WDR35: variants seen among roughly 807,000 people sequenced by gnomAD.
The protein encoded by WDR35 is WD repeat-containing protein 35.
A neutral mutation model predicts 158.3 loss-of-function variants in WDR35; 118 were observed. That is an observed-to-expected ratio of 0.75 (90% CI 0.64 to 0.87). The LOEUF (loss-of-function observed/expected upper bound fraction) is 0.87, where lower values mean the gene tolerates loss of function less well. WDR35 is among the 40% of genes least tolerant of loss of function. The pLI is 0.00. For synonymous variants in WDR35, 448 were observed against 476.1 expected, an observed-to-expected ratio of 0.94 and a Z score of 0.77; for missense variants, 1,263 against 1,405.8, an observed-to-expected ratio of 0.90 and a Z score of 1.62.
At position 19,934,019 on chromosome 2, in the gene WDR35, G is replaced by A. The variant is rs1420453465; in HGVS notation, c.2548-508C>T. 9.8e-5 allele frequency among the ~76,000 whole-genome samples: 13 copies of A among 132,662 alleles called. No individual in the cohort carries two copies. Among genetic ancestry groups the A allele is most frequent in the African/African-American group, 4.0e-4 (13 of 32,744 alleles). 87.0% of individuals were successfully genotyped at this position (132,662 alleles called of 152,430 possible). On this transcript the variant is annotated intron_variant, in intron 21 of 26. Coordinates refer to ENST00000281405, the MANE Select transcript of WDR35 (RefSeq NM_020779.4). This position sits in a 1 kb window ranked among gnomAD's most constrained non-coding sequence, Gnocchi z 4.6. ...CTCTCTTGGAAAGTGGTGGCAGCGA[G>A]GAAGAACCACCACCACCACCACCAC...
In WDR35 at chr2:19,931,254, A is replaced by AT. The variant is rs1670515991; in HGVS notation, c.2964+14_2964+15insA. The AT allele has an allele frequency of 6.2e-7, 1 of 1,610,778 alleles. No individual in the cohort carries two copies. Among genetic ancestry groups the AT allele is most frequent in the African/African-American group, 1.3e-5 (1 of 74,670 alleles). On this transcript the variant is annotated intron_variant, in intron 24 of 26. Transcript: ENST00000281405. ...CACTTCCAATGATGTAATGTTATTT[A>AT]ACGTGCTACTTTACCTCTGAACTTT...
At chr2:19,953,699 A>T in intron 12 of WDR35, 135 bp downstream of exon 12, 1 of 1,154,948 alleles carries the variant, frequency 8.7e-7, no homozygotes, top group East Asian at 2.5e-5. Flanking sequence ...AATTTTAAAG[A>T]TAATCAAATT....
At chr2:19,975,453 G>A (rs1020666804) in intron 6 of WDR35, 77 bp downstream of exon 6, 38 of 1,446,690 alleles carry the variant, frequency 2.6e-5, no homozygotes, top group African/African-American at 1.4e-5. Context: ...AAAAATAAAT[G>A]TATATACAAA....
At chr2:19,977,032 A>C (rs895373586) in intron 5 of WDR35, among the ~76,000 whole-genome samples, 1 of 151,808 alleles carries the variant, frequency 6.6e-6, no homozygotes, top group Non-Finnish European at 1.5e-5. Context: ...AGGTCTTGCT[A>C]TGTTGTCCAG....
intron 8 of WDR35, among the ~76,000 whole-genome samples, chr2:19,971,689 G>C (rs1672038840): frequency 6.6e-6 from 1 of 152,136 alleles, no homozygotes; most frequent in African/African-American, 2.4e-5. Context: ...TATCTGTCTT[G>C]CTACCTGTAT....
chr2:19,978,609 G>A (rs1375685713), intron 5 of WDR35, 142 bp downstream of exon 5: 40 of 1,291,444 alleles, frequency 3.1e-5, no homozygotes, highest in East Asian at 1.7e-4. Context: ...CTTGAATGTC[G>A]TCAAATTGTA....
In WDR35 at chr2:19,941,760, T is replaced by C. The variant is rs1351761672; in HGVS notation, c.1925A>G (p.Lys642Arg). ...GAAATGTAACTTTTTAGGAATTACC[T>C]TTAATATCTCATCCAAAAGAACAGA... is the stretch of plus-strand genomic sequence containing the variant. ...IKSVLLDEIL[K>R]DPEHPNKDYL... is the part of the protein sequence containing the mutation. The change falls in exon 17 of 27, where the codon AAG (lysine) becomes AGG (arginine). Residue 642 changes from lysine to arginine, a missense_variant and splice_region_variant. Physicochemically the swap from Lys to Arg is conservative, Grantham distance 26. Transcript: ENST00000281405. 1 of 1,547,548 alleles carries C rather than the reference T, an allele frequency of 6.5e-7. No homozygotes were observed. The highest frequency in any genetic ancestry group is 8.8e-7 in the Non-Finnish European group (1 of 1,131,788).
At chr2:19,986,754 T>C (rs1672579035) in intron 2 of WDR35, among the ~76,000 whole-genome samples, 1 of 152,068 alleles carries the variant, frequency 6.6e-6, no homozygotes, top group Admixed American at 6.6e-5. Flanking sequence ...AAACCTGATG[T>C]AAAAAGATGG....
intron 24 of WDR35, 114 bp from the exon 25 acceptor site, chr2:19,930,666 A>G (rs1322451660): frequency 2.0e-6 from 3 of 1,491,676 alleles, no homozygotes; most frequent in African/African-American, 1.4e-5. Flanking sequence ...TCATTACAAA[A>G]CTATGATTAC....
chr2:19,935,585 A>G lies in WDR35; in HGVS notation c.2433T>C (p.Tyr811=), dbSNP rs146138833. The change falls in exon 21 of 27, where the codon TAT becomes TAC. Residue 811 remains tyrosine, a synonymous_variant. Coordinates refer to ENST00000281405, the MANE Select transcript of WDR35 (RefSeq NM_020779.4). ...DRQKWLNAVQ[Y]YVQGRNQERL... The stretch of plus-strand genomic sequence containing the variant: ...GTTCCTGGTTCCGTCCTTGTACATA[A>G]TATTGTACAGCATTCAACCTACAGA... The G allele has an allele frequency of 1.9e-6, 3 of 1,612,580 alleles. No individual in the cohort carries two copies. The highest frequency in any genetic ancestry group is 2.5e-6 in the Non-Finnish European group (3 of 1,179,612).
rs541612733 is a variant in WDR35, at chr2:19,913,665, T to C, written c.3406A>G (p.Ile1136Val). 1.9e-5 allele frequency: 30 copies of C among 1,614,112 alleles called. No individual in the cohort carries two copies. Among genetic ancestry groups the C allele is most frequent in the African/African-American group, 8.0e-5 (6 of 75,046 alleles). ...CACATCCAGAATTGATACTCAGTGA[T>C]TGGGCTTCCTGTGGCAACGCATGTT... ...LPTCVATGSP[I>V]TEYQFWMCSV... is the part of the protein sequence containing the mutation. The change falls in exon 27 of 27, where the codon ATC becomes GTC. Residue 1136 changes from isoleucine (I) to valine (V), a missense_variant. Physicochemically the swap from Ile to Val is conservative, Grantham distance 29 (BLOSUM62 3). Coordinates refer to ENST00000281405, the MANE Select transcript of WDR35 (RefSeq NM_020779.4).
At chr2:19,974,783 G>T in intron 6 of WDR35, 150 bp from the exon 7 acceptor site, 1 of 628,258 alleles carries the variant, frequency 1.6e-6, no homozygotes, top group Non-Finnish European at 2.5e-6. Flanking sequence ...CTGGTATACA[G>T]GCCATGGACA....
At position 19,953,714 on chromosome 2, in the gene WDR35, G is replaced by GA. The variant is rs765288897; in HGVS notation, c.1400+119dup. 5.3e-6 allele frequency: 7 copies of GA among 1,319,774 alleles called. No homozygotes were observed. In the African/African-American group the frequency reaches 8.8e-5, roughly 17 times the overall value. 81.8% of individuals were successfully genotyped at this position (1,319,774 alleles called of 1,614,324 possible). Reference sequence around the variant, plus strand: ...AATTTTAAAGATAATCAAATTAATTGAAAAAACATTTCTACTAATCAAGAC... The same window carrying GA: ...AATTTTAAAGATAATCAAATTAATTGAAAAAAACATTTCTACTAATCAAGAC... On this transcript the variant is annotated intron_variant, in intron 12 of 26. Transcript: ENST00000281405.
chr2:19,933,246 T>C (rs1028594037), intron 22 of WDR35, among the ~76,000 whole-genome samples, 155 bp downstream of exon 22: 10 of 152,344 alleles, frequency 6.6e-5, no homozygotes, highest in Non-Finnish European at 1.3e-4. Context: ...ATTAAGAGAA[T>C]ACCCGCCTGG....
chr2:19,969,370 C>T (rs977880082), intron 9 of WDR35, 110 bp downstream of exon 9: 1 of 1,187,496 alleles, frequency 8.4e-7, no homozygotes, highest in East Asian at 2.6e-5. Flanking sequence ...CACAAAAAGG[C>T]TTCCTTTCTG....
intron 11 of WDR35, among the ~76,000 whole-genome samples, chr2:19,959,043 A>G (rs1671545289): frequency 1.3e-5 from 2 of 152,134 alleles, no homozygotes; most frequent in African/African-American, 4.8e-5. Flanking sequence ...AACTTTAAAA[A>G]AGAAATTTTA....
intron 3 of WDR35, among the ~76,000 whole-genome samples, 156 bp from the exon 4 acceptor site, chr2:19,980,939 T>C (rs1024248285): frequency 1.3e-5 from 2 of 152,260 alleles, no homozygotes; most frequent in African/African-American, 4.8e-5. Flanking sequence ...AAGATGCAGT[T>C]ATTGATATCA....
intron 12 of WDR35, among the ~76,000 whole-genome samples, 157 bp downstream of exon 12, chr2:19,953,677 T>C (rs1231613246): frequency 6.6e-6 from 1 of 152,184 alleles, no homozygotes; most frequent in East Asian, 1.9e-4. Context: ...TTTTAATAAA[T>C]TTAAACACAT....
In WDR35 at chr2:19,945,996, G is replaced by A. The variant is rs566096028; in HGVS notation, c.1635C>T (p.Ser545=). The A allele has an allele frequency of 6.2e-7, 1 of 1,613,386 alleles. No individual in the cohort carries two copies. Among genetic ancestry groups the A allele is most frequent in the South Asian group, 1.1e-5 (1 of 90,958 alleles). ...AYQLSLNCNS[S]RLAIIDISGV... ...CTGAGATGTCTATGATAGCAAGACGGCTAAAAACAATGCAATTAGAGAAAA... is the reference window on the plus strand; with the variant it reads ...CTGAGATGTCTATGATAGCAAGACGACTAAAAACAATGCAATTAGAGAAAA... Residue 545 remains serine (S), a splice_region_variant and synonymous_variant, in exon 16 of 27, where the codon AGC becomes AGT. Coordinates refer to ENST00000281405, the MANE Select transcript of WDR35 (RefSeq NM_020779.4).
Sources: allele counts gnomAD v4.1 joint callset (sites outside exome capture counted in the v4.1 genomes callset), GRCh38; gene constraint gnomAD v4.1.1; non-coding constraint Gnocchi (gnomAD v3.1); transcripts MANE v1.5; gene names NCBI Gene and HGNC (gene_info 2026-07-23, HGNC 2026-07-21).